Variants in PCBP4 observed in about 807,000 individuals in gnomAD.
The protein encoded by PCBP4 is poly(rC) binding protein 4.
In PCBP4, 24 loss-of-function variants were observed where a neutral mutation model predicts 46.2. That is an observed-to-expected ratio of 0.52 (90% CI 0.38 to 0.73). PCBP4 has a LOEUF of 0.73. Among genes scored for constraint, PCBP4 ranks in the 30% least tolerant of loss-of-function variants. The probability of loss-of-function intolerance (pLI) is 0.00; values close to 1 mark genes in which losing one functional copy is unlikely to be tolerated. For synonymous variants in PCBP4, 203 were observed against 224.4 expected, an observed-to-expected ratio of 0.90 and a Z score of 0.85; for missense variants, 407 against 537.0, an observed-to-expected ratio of 0.76 and a Z score of 2.39.
In PCBP4 at chr3:51,958,900, T is replaced by A; in HGVS notation, c.813A>T (p.Ser271=). The change falls in exon 13 of 14, where the codon TCA becomes TCT. Residue 271 remains serine, a synonymous_variant. Coordinates refer to ENST00000461554, the MANE Select transcript of PCBP4 (RefSeq NM_001174100.2). The surrounding 1 kb of genome is among the most constrained non-coding windows in gnomAD (Gnocchi z 5.4). ...GGTTCCCGATCTTGATATGTGCCCC[T>A]GACATCTGCCGGATCTCGCTGATCT... ...GSKISEIRQM[S]GAHIKIGNQA... 3 of 1,613,956 alleles carry A rather than the reference T, an allele frequency of 1.9e-6. No individual in the cohort carries two copies. Among genetic ancestry groups the A allele is most frequent in the Non-Finnish European group, 1.7e-6 (2 of 1,179,964 alleles).
At position 51,960,599 on chromosome 3, in the gene PCBP4, C is replaced by T. The variant is rs1206413091; in HGVS notation, c.182G>A (p.Arg61His). ...ITISEGSCPE[R>H]ITTITGSTAA... is the part of the protein sequence containing the mutation. Reference sequence around the variant, plus strand: ...TGTAGACCCGGTGATGGTGGTGATGCGTTCAGGGCAGGAGCCCTCGGAGAT... The same window carrying T: ...TGTAGACCCGGTGATGGTGGTGATGTGTTCAGGGCAGGAGCCCTCGGAGAT... Residue 61 changes from arginine to histidine, a missense_variant, in exon 6 of 14, where the codon CGC (arginine) becomes CAC (histidine). Coordinates refer to ENST00000461554, the MANE Select transcript of PCBP4 (RefSeq NM_001174100.2). The surrounding 1 kb of genome is among the most constrained non-coding windows in gnomAD (Gnocchi z 5.0). The T allele has an allele frequency of 2.5e-6, 4 of 1,614,164 alleles. No homozygotes were observed. Among genetic ancestry groups the T allele is most frequent in the Admixed American group, 1.7e-5 (1 of 60,032 alleles).
In PCBP4 at chr3:51,960,019, G is replaced by T; in HGVS notation, c.392C>A (p.Thr131Lys). The T allele has an allele frequency of 6.2e-7, 1 of 1,614,212 alleles. No individual in the cohort carries two copies. The highest frequency in any genetic ancestry group is 8.5e-7 in the Non-Finnish European group (1 of 1,180,018). ...GTKIKEIRET[T>K]GAQVQVAGDL... ...CCCTGCCACCTGTACCTGGGCACCCGTAGTCTGCAAACAGAGAACAGGGGC... is the reference window on the plus strand; with the variant it reads ...CCCTGCCACCTGTACCTGGGCACCCTTAGTCTGCAAACAGAGAACAGGGGC... The change falls in exon 8 of 14, where the codon ACG becomes AAG. Residue 131 changes from threonine (T) to lysine (K), a missense_variant. Coordinates refer to ENST00000461554, the MANE Select transcript of PCBP4 (RefSeq NM_001174100.2). The surrounding 1 kb of genome is among the most constrained non-coding windows in gnomAD (Gnocchi z 5.0).
intron 1 of PCBP4, among the ~76,000 whole-genome samples, chr3:51,964,580 A>G (rs1336582173): frequency 2.0e-5 from 3 of 151,874 alleles, no homozygotes; most frequent in Non-Finnish European, 4.4e-5. Flanking sequence ...CCCACTCCCA[A>G]AGCAGCCATG....
At position 51,957,879 on chromosome 3, in the gene PCBP4, G is replaced by A. The variant is rs906295145; in HGVS notation, c.*182C>T. 1.1e-5 allele frequency: 6 copies of A among 548,708 alleles called. No homozygotes were observed. Among genetic ancestry groups the A allele is most frequent in the Non-Finnish European group, 1.8e-5 (6 of 325,122 alleles). The allele number at this position is 548,708 out of a possible 1,614,324, so 34.0% of individuals were successfully genotyped here. Reference sequence around the variant, plus strand: ...TGCCGCAGCTCAGACCCCTGGGCCAGAAACTGCCCCCACTCTGAGAGAAAG... The same window carrying A: ...TGCCGCAGCTCAGACCCCTGGGCCAAAAACTGCCCCCACTCTGAGAGAAAG... On this transcript the variant is annotated 3_prime_UTR_variant, in exon 14 of 14. Coordinates refer to ENST00000461554, the MANE Select transcript of PCBP4 (RefSeq NM_001174100.2).
Position 51,960,155 on chromosome 3 carries a change from G to C in PCBP4, c.387+34C>G, listed in dbSNP as rs745620970. 1 of 1,613,906 alleles carries C rather than the reference G, an allele frequency of 6.2e-7. No individual in the cohort carries two copies. The highest frequency in any genetic ancestry group is 8.5e-7 in the Non-Finnish European group (1 of 1,180,014). The stretch of plus-strand genomic sequence containing the variant: ...CCTCTTACAACTGCTCCCTTGCCCC[G>C]GATTCCCTGTGGGTGGTATATCTCG... On this transcript the variant is annotated intron_variant, in intron 7 of 13. Transcript: ENST00000461554. The surrounding 1 kb of genome is among the most constrained non-coding windows in gnomAD (Gnocchi z 5.0).
chr3:51,960,608 C>T lies in PCBP4; in HGVS notation c.173G>A (p.Cys58Tyr). The T allele has an allele frequency of 6.2e-7, 1 of 1,614,186 alleles. No individual in the cohort carries two copies. Among genetic ancestry groups the T allele is most frequent in the Non-Finnish European group, 8.5e-7 (1 of 1,179,976 alleles). The change falls in exon 6 of 14, where the codon TGC (cysteine) becomes TAC (tyrosine). Residue 58 changes from cysteine (C) to tyrosine (Y), a missense_variant. Cys to Tyr is a radical substitution (Grantham distance 194, BLOSUM62 -2). Coordinates refer to ENST00000461554, the MANE Select transcript of PCBP4 (RefSeq NM_001174100.2). This position sits in a 1 kb window ranked among gnomAD's most constrained non-coding sequence, Gnocchi z 5.0. ...SARITISEGS[C>Y]PERITTITGS... Reference sequence around the variant, plus strand: ...GGTGATGGTGGTGATGCGTTCAGGGCAGGAGCCCTCGGAGATGGTGATCCG... The same window carrying T: ...GGTGATGGTGGTGATGCGTTCAGGGTAGGAGCCCTCGGAGATGGTGATCCG...
Position 51,961,804 on chromosome 3 carries a change from G to A in PCBP4, c.-65+137C>T, listed in dbSNP as rs1221307962. 5 of 982,918 alleles carry A rather than the reference G, an allele frequency of 5.1e-6. No homozygotes were observed. The African/African-American group carries it at 7.0e-5, about 14-fold the overall frequency. The allele number at this position is 982,918 out of a possible 1,614,324, so 60.9% of individuals were successfully genotyped here. On this transcript the variant is annotated intron_variant, in intron 2 of 13. Transcript: ENST00000461554. ...CAGATGGTGGATGGAGCACAGAAGA[G>A]CAGCTGGGGAGGAAGCTGGAGCAGC...
chr3:51,965,936 C>A (rs894932567), intron 1 of PCBP4, among the ~76,000 whole-genome samples: 1 of 152,144 alleles, frequency 6.6e-6, no homozygotes, highest in African/African-American at 2.4e-5. Context: ...GGGTGGGGTA[C>A]GTTTCACAGA....
At chr3:51,964,918 T>C (rs1047416470) in intron 1 of PCBP4, among the ~76,000 whole-genome samples, 1 of 152,204 alleles carries the variant, frequency 6.6e-6, no homozygotes, top group African/African-American at 2.4e-5. Flanking sequence ...TTGATTCAGA[T>C]CTGCCACATA....
chr3:51,961,208 C>T lies in PCBP4; in HGVS notation c.33G>A (p.Glu11=). 6.2e-7 allele frequency: 1 copy of T among 1,613,222 alleles called. No homozygotes were observed. The highest frequency in any genetic ancestry group is 8.5e-7 in the Non-Finnish European group (1 of 1,180,016). The change falls in exon 3 of 14, where the codon GAG becomes GAA. Residue 11 remains glutamate (E), a synonymous_variant. Coordinates refer to ENST00000461554, the MANE Select transcript of PCBP4 (RefSeq NM_001174100.2). The stretch of plus-strand genomic sequence containing the variant: ...GCGTGAGGGTGATGCTGAGCTCTGG[C>T]TCCTCCTCCAGTCCCCCGTCCGAGC... MSGSDGGLEE[E]PELSITLTLR...
Position 51,958,018 on chromosome 3 carries a change from C to T in PCBP4, c.*43G>A, listed in dbSNP as rs1300519055. 3.3e-6 allele frequency: 5 copies of T among 1,500,070 alleles called. No individual in the cohort carries two copies. The highest frequency in any genetic ancestry group is 4.4e-6 in the Non-Finnish European group (5 of 1,124,390). The allele number at this position is 1,500,070 out of a possible 1,614,324, so 92.9% of individuals were successfully genotyped here. ...GCGGGTAGGGTGCAGAGGCAGCCCC[C>T]TGCTGGTGGTCCTGCCTGCCCCTGC... is the stretch of plus-strand genomic sequence containing the variant. On this transcript the variant is annotated 3_prime_UTR_variant, in exon 14 of 14. Coordinates refer to ENST00000461554, the MANE Select transcript of PCBP4 (RefSeq NM_001174100.2). This position sits in a 1 kb window ranked among gnomAD's most constrained non-coding sequence, Gnocchi z 5.4.
chr3:51,959,105 G>A lies in PCBP4; in HGVS notation c.701-6C>T, dbSNP rs372521659. 1.2e-6 allele frequency: 2 copies of A among 1,613,840 alleles called. No individual in the cohort carries two copies. Among genetic ancestry groups the A allele is most frequent in the East Asian group, 2.2e-5 (1 of 44,868 alleles). On this transcript the variant is annotated splice_polypyrimidine_tract_variant and splice_region_variant and intron_variant, in intron 11 of 13. Coordinates refer to ENST00000461554, the MANE Select transcript of PCBP4 (RefSeq NM_001174100.2). The surrounding 1 kb of genome is among the most constrained non-coding windows in gnomAD (Gnocchi z 5.6). ...CTGTGTGCCGGGATCCAGTCCTGAGGGGGAGAAGAGGGACTGAGTGTGGTT... is the reference window on the plus strand; with the variant it reads ...CTGTGTGCCGGGATCCAGTCCTGAGAGGGAGAAGAGGGACTGAGTGTGGTT...
chr3:51,964,675 C>T (rs533197393), intron 1 of PCBP4, among the ~76,000 whole-genome samples: 2 of 152,196 alleles, frequency 1.3e-5, no homozygotes, highest in South Asian at 2.1e-4. Flanking sequence ...GGCCACAGCA[C>T]GTCTGCATCG....
At chr3:51,963,676 C>T (rs1700283953) in intron 1 of PCBP4, among the ~76,000 whole-genome samples, 1 of 152,190 alleles carries the variant, frequency 6.6e-6, no homozygotes, top group African/African-American at 2.4e-5. Context: ...GACCCACCGC[C>T]CCAAGTCCAG....
intron 1 of PCBP4, among the ~76,000 whole-genome samples, chr3:51,965,400 C>G (rs1010526921): frequency 2.6e-5 from 4 of 152,256 alleles, no homozygotes; most frequent in Admixed American, 6.5e-5. Flanking sequence ...CCTCCCCACT[C>G]TCTGTCAAAA....
At position 51,959,530 on chromosome 3, in the gene PCBP4, C is replaced by A; in HGVS notation, c.591+47G>T. On this transcript the variant is annotated intron_variant, in intron 9 of 13. Coordinates refer to ENST00000461554, the MANE Select transcript of PCBP4 (RefSeq NM_001174100.2). This position sits in a 1 kb window ranked among gnomAD's most constrained non-coding sequence, Gnocchi z 5.6. ...CTTCCATCCCCTCCTCTATCTCAAT[C>A]CCCCTTCTCCAGTAATGTGTCCCAC... The A allele has an allele frequency of 6.5e-7, 1 of 1,534,374 alleles. No individual in the cohort carries two copies.
intron 1 of PCBP4, among the ~76,000 whole-genome samples, chr3:51,963,929 C>T (rs1559764280): frequency 1.3e-5 from 2 of 152,246 alleles, no homozygotes; most frequent in Non-Finnish European, 2.9e-5. Flanking sequence ...CTCAGTGGGG[C>T]TCTAGGGAGT....
In PCBP4 at chr3:51,959,148, C is replaced by A. The variant is rs754490766; in HGVS notation, c.701-49G>T. ...GTGTGGTTCTGGGCCTTTCCCGCCC[C>A]ACCATTTCCACTCTCCCTGGAAGGG... is the stretch of plus-strand genomic sequence containing the variant. On this transcript the variant is annotated intron_variant, in intron 11 of 13. Transcript: ENST00000461554. The surrounding 1 kb of genome is among the most constrained non-coding windows in gnomAD (Gnocchi z 5.6). The A allele has an allele frequency of 9.4e-4, 1,521 of 1,613,244 alleles. 12 individuals carry two copies. The African/African-American group carries it at 0.018, about 19-fold the overall frequency.
chr3:51,958,584 G>A lies in PCBP4; in HGVS notation c.923+206C>T, dbSNP rs1699948755. On this transcript the variant is annotated intron_variant, in intron 13 of 13. Coordinates refer to ENST00000461554, the MANE Select transcript of PCBP4 (RefSeq NM_001174100.2). This position sits in a 1 kb window ranked among gnomAD's most constrained non-coding sequence, Gnocchi z 5.4. ...GACCCAGGGAAAAGACACAGCAATG[G>A]AGAATGAGAGGTGGATATAGAGGGG... is the stretch of plus-strand genomic sequence containing the variant. 6.6e-6 allele frequency among the ~76,000 whole-genome samples: 1 copy of A among 151,788 alleles called. No individual in the cohort carries two copies. The highest frequency in any genetic ancestry group is 6.6e-5 in the Admixed American group (1 of 15,244).
Sources: gnomAD v4.1 joint callset for allele counts (sites outside exome capture counted in the v4.1 genomes callset) on GRCh38, gnomAD v4.1.1 for gene constraint, Gnocchi (gnomAD v3.1) non-coding constraint, MANE v1.5 for transcripts, NCBI Gene and HGNC (gene_info 2026-07-23, HGNC 2026-07-21) for gene names.